NAPB: variants seen among roughly 807,000 people sequenced by gnomAD.
The protein encoded by NAPB is beta-soluble NSF attachment protein.
A neutral mutation model predicts 44.7 loss-of-function variants in NAPB; 26 were observed. The ratio of observed to expected loss-of-function variants is 0.58; its 90% CI spans 0.43 to 0.81. The LOEUF (loss-of-function observed/expected upper bound fraction) is 0.81, where lower values mean the gene tolerates loss of function less well. Among genes scored for constraint, NAPB ranks in the 30% least tolerant of loss-of-function variants. The probability of loss-of-function intolerance (pLI) is 0.00; values close to 1 mark genes in which losing one functional copy is unlikely to be tolerated. For synonymous variants in NAPB, 120 were observed against 116.8 expected (o/e 1.03, Z -0.18); for missense variants, 315 against 356.4 (o/e 0.88, Z 0.94).
intron 1 of NAPB, among the ~76,000 whole-genome samples, chr20:23,412,941 AGCC>A (rs569385737): frequency 1.2e-3 from 188 of 152,306 alleles, no homozygotes; most frequent in Non-Finnish European, 2.4e-3. Context: ...GGTTGCAGTG[AGCC>A]GCACCACTGT....
At position 23,413,756 on chromosome 20, in the gene NAPB, T is replaced by A. The variant is rs1475143996; in HGVS notation, c.98+7549A>T. ...AATTATTTCCTAGGAAAACACAATT[T>A]ACCAAAATTGACCTCAGTAGAGATA... On this transcript the variant is annotated intron_variant, in intron 1 of 10. Transcript: ENST00000377026. Among the ~76,000 whole-genome samples, 5 of 152,070 alleles carry A rather than the reference T, an allele frequency of 3.3e-5. No homozygotes were observed. In the South Asian group the frequency reaches 1.0e-3, roughly 32 times the overall value.
At chr20:23,409,388 G>A (rs1216835599) in intron 1 of NAPB, among the ~76,000 whole-genome samples, 4 of 152,162 alleles carry the variant, frequency 2.6e-5, no homozygotes, top group Admixed American at 2.0e-4. Context: ...GTATAACAAA[G>A]AAAACTAGTT....
chr20:23,397,182 C>G lies in NAPB; in HGVS notation c.185G>C (p.Gly62Ala). 1 of 1,611,100 alleles carries G rather than the reference C, an allele frequency of 6.2e-7. No homozygotes were observed. The highest frequency in any genetic ancestry group is 8.5e-7 in the Non-Finnish European group (1 of 1,177,838). The change falls in exon 3 of 11, where the codon GGA becomes GCA. Residue 62 changes from glycine (G) to alanine (A), a missense_variant. By Grantham distance (60) the Gly-to-Ala change is moderately conservative (BLOSUM62 0). Around this residue, in one of 3 missense-constraint regions of NAPB, gnomAD observed 179 missense variants for 182.5 expected, o/e 0.98. Coordinates refer to ENST00000377026, the MANE Select transcript of NAPB (RefSeq NM_022080.3). ...CTTGGCTGCCTGACAAAATGCGTTT[C>G]CTGCAGCTGAAGAAGACACTACAAT... ...FKMAKNWSAA[G>A]NAFCQAAKLH...
intron 5 of NAPB, among the ~76,000 whole-genome samples, chr20:23,392,731 C>A (rs74588520): frequency 2.6e-5 from 4 of 151,710 alleles, no homozygotes; most frequent in Non-Finnish European, 5.9e-5. Flanking sequence ...TCATGTTGCC[C>A]AGGCTGGTCT....
rs1022887782 is a variant in NAPB, at chr20:23,413,229, G to GA, written c.98+8075dup. ...TCTCAGTAAGTTCTCTGATCATAAT[G>GA]AAAAAAAAAAAGTTTAAGTAATAAT... On this transcript the variant is annotated intron_variant, in intron 1 of 10. Transcript: ENST00000377026. Among the ~76,000 whole-genome samples the GA allele has an allele frequency of 3.3e-3, 475 of 144,068 alleles. 3 individuals are homozygous for GA. The highest frequency in any genetic ancestry group is 9.1e-3 in the African/African-American group (357 of 39,408). The allele number at this position is 144,068 out of a possible 152,430, so 94.5% of individuals were successfully genotyped here.
chr20:23,400,056 A>G (rs1174741748), intron 2 of NAPB, among the ~76,000 whole-genome samples: 2 of 152,116 alleles, frequency 1.3e-5, no homozygotes, highest in African/African-American at 4.8e-5. Context: ...TTGCTCAGTA[A>G]TACCACAACA....
intron 5 of NAPB, among the ~76,000 whole-genome samples, chr20:23,392,811 C>T (rs1338544811): frequency 1.3e-5 from 2 of 151,928 alleles, no homozygotes; most frequent in African/African-American, 2.4e-5. Context: ...GCATCAGCCA[C>T]TGTACCTGGC....
chr20:23,392,523 G>A (rs369301382), intron 5 of NAPB, among the ~76,000 whole-genome samples: 9 of 151,892 alleles, frequency 5.9e-5, no homozygotes, highest in Admixed American at 3.3e-4. Context: ...AAAATTAGCC[G>A]GGCATGGTGG....
intron 6 of NAPB, 70 bp from the exon 7 acceptor site, chr20:23,390,100 A>C: frequency 6.5e-7 from 1 of 1,531,376 alleles, no homozygotes; most frequent in Non-Finnish European, 9.0e-7. Flanking sequence ...ACTGGGCCTC[A>C]GTACATCTTC....
chr20:23,399,945 CT>C (rs1164645147), intron 2 of NAPB, among the ~76,000 whole-genome samples: 2 of 152,174 alleles, frequency 1.3e-5, no homozygotes, highest in East Asian at 1.9e-4. Flanking sequence ...GAAATGCCAT[CT>C]TTTTTTTACA....
Position 23,390,259 on chromosome 20 carries a change from A to C in NAPB, c.426T>G (p.Ile142Met). The C allele has an allele frequency of 6.2e-7, 1 of 1,609,704 alleles. No individual in the cohort carries two copies. Among genetic ancestry groups the C allele is most frequent in the East Asian group, 2.2e-5 (1 of 44,858 alleles). ...ETELVDIEKAIAHYEQSADYY... is the reference protein window; with the variant it reads ...ETELVDIEKAMAHYEQSADYY... ...AATCAGCAGATTGTTCATAATGTGC[A>C]ATAGCCTGAAAACATACATATTTTA... Residue 142 changes from isoleucine to methionine, a missense_variant, in exon 6 of 11, where the codon ATT (isoleucine) becomes ATG (methionine). Ile to Met is a conservative substitution (Grantham distance 10, BLOSUM62 1). This residue lies in a region of NAPB where 179 missense variants were observed against 182.5 expected (regional missense o/e 0.98). Transcript: ENST00000377026.
intron 1 of NAPB, among the ~76,000 whole-genome samples, chr20:23,414,473 T>C (rs1985870542): frequency 6.6e-6 from 1 of 152,104 alleles, no homozygotes. Flanking sequence ...AGGAGAAAAA[T>C]GTTTATCTCC....
chr20:23,417,861 G>C (rs372105392), intron 1 of NAPB, among the ~76,000 whole-genome samples: 61 of 152,060 alleles, frequency 4.0e-4, no homozygotes, highest in African/African-American at 1.4e-3. Flanking sequence ...ATAAGGCAGA[G>C]GATTTGTGCC....
intron 5 of NAPB, 83 bp downstream of exon 5, chr20:23,394,839 C>A: frequency 7.3e-7 from 1 of 1,370,894 alleles, no homozygotes; most frequent in South Asian, 1.2e-5. Context: ...CACCTACGAT[C>A]ACTCTCAGAC....
chr20:23,420,958 G>T (rs958393914), intron 1 of NAPB, among the ~76,000 whole-genome samples: 1 of 151,548 alleles, frequency 6.6e-6, no homozygotes, highest in South Asian at 2.1e-4. Context: ...CGGAGAGCGT[G>T]TGGGGGCTGA....
chr20:23,394,135 C>A (rs545413872), intron 5 of NAPB, among the ~76,000 whole-genome samples: 1 of 152,234 alleles, frequency 6.6e-6, no homozygotes, highest in South Asian at 2.1e-4. Flanking sequence ...TGACTGTCAG[C>A]AGTAGAGAAA....
At chr20:23,410,306 A>G (rs1985564109) in intron 1 of NAPB, among the ~76,000 whole-genome samples, 1 of 152,202 alleles carries the variant, frequency 6.6e-6, no homozygotes, top group African/African-American at 2.4e-5. Flanking sequence ...CAAACCGCTC[A>G]TCTCCTATCA....
At chr20:23,392,296 T>C (rs1358709676) in intron 5 of NAPB, among the ~76,000 whole-genome samples, 7 of 152,188 alleles carry the variant, frequency 4.6e-5, no homozygotes, top group Admixed American at 3.9e-4. Context: ...TTCCAGACTA[T>C]TTCTGTGTGT....
intron 1 of NAPB, among the ~76,000 whole-genome samples, chr20:23,405,474 C>A (rs1029756896): frequency 2.8e-4 from 43 of 152,322 alleles, no homozygotes; most frequent in African/African-American, 9.4e-4. Context: ...GTAATCCCAG[C>A]GCTTTGGGAG....
Sources: allele counts gnomAD v4.1 joint callset (sites outside exome capture counted in the v4.1 genomes callset), GRCh38; gene constraint gnomAD v4.1.1; regional missense constraint gnomAD v4.1.1; transcripts MANE v1.5; gene names NCBI Gene and HGNC (gene_info 2026-07-23, HGNC 2026-07-21).